The following LYZL1 variants were observed in gnomAD, a reference collection of about 807,000 sequenced individuals.
LYZL1 encodes lysozyme-like protein 1.
LYZL1 carries 16 observed loss-of-function variants against 17.9 expected under a neutral mutation model. That is an observed-to-expected ratio of 0.90 (90% CI 0.61 to 1.36). The LOEUF is 1.36. Among genes scored for constraint, LYZL1 ranks in the 40% most tolerant of loss-of-function variants. The pLI is 0.00. For missense variants in LYZL1, 149 were observed against 188.4 expected (o/e 0.79, Z 1.22); for synonymous variants, 58 against 71.8 (o/e 0.81, Z 0.97).
rs397801860 is a variant in LYZL1, at chr10:29,317,946, T to TAAAA, written c.*139-193_*139-190dup. 5.6e-5 allele frequency among the ~76,000 whole-genome samples: 8 copies of TAAAA among 143,464 alleles called. No individual in the cohort carries two copies. The East Asian group carries it at 6.1e-4, about 11-fold the overall frequency. The allele number at this position is 143,464 out of a possible 152,430, so 94.1% of individuals were successfully genotyped here. ...GAAACAGAGTGAGACCCTGTCTCTT[T>TAAAA]AAAAAAAAAAAAAAAGTGATTACTA... On this transcript the variant is annotated intron_variant and NMD_transcript_variant, in intron 4 of 4. Transcript: ENST00000494304.
At chr10:29,313,992 A>C (rs1035757908), downstream of LYZL1, among the ~76,000 whole-genome samples, 2 of 152,132 alleles carry the variant, frequency 1.3e-5, no homozygotes, top group Non-Finnish European at 2.9e-5. Flanking sequence ...TTGAATCCCA[A>C]CTTGTTCCCT....
intron 3 of LYZL1, among the ~76,000 whole-genome samples, chr10:29,298,747 C>A (rs1307327302): frequency 2.6e-5 from 4 of 152,122 alleles, no homozygotes; most frequent in Non-Finnish European, 4.4e-5. Context: ...TTATAGATTT[C>A]TAGTTACACC....
At chr10:29,302,601 T>G (rs2132826931) in intron 3 of LYZL1, among the ~76,000 whole-genome samples, 1 of 152,332 alleles carries the variant, frequency 6.6e-6, no homozygotes, top group African/African-American at 2.4e-5. Context: ...TGTTTTTTAT[T>G]ATTATAATGA....
In LYZL1 at chr10:29,306,507, G is replaced by A. The variant is rs1168638935; in HGVS notation, c.299-3603G>A. Among the ~76,000 whole-genome samples, 61 of 109,358 alleles carry A rather than the reference G, an allele frequency of 5.6e-4. 1 individual carries two copies. Among genetic ancestry groups the A allele is most frequent in the South Asian group, 2.0e-3 (6 of 2,966 alleles). The allele number at this position is 109,358 out of a possible 152,430, so 71.7% of individuals were successfully genotyped here. On this transcript the variant is annotated intron_variant, in intron 3 of 4. Coordinates refer to ENST00000649382, the MANE Select transcript of LYZL1 (RefSeq NM_032517.6). ...GGAGCTTGCAGTGAGCCGAGATCCC[G>A]CCACTGCACTCCAGCCTGGGCGACA...
At chr10:29,316,893 T>G (rs963433865) in intron 3 of LYZL1, among the ~76,000 whole-genome samples, 7 of 151,994 alleles carry the variant, frequency 4.6e-5, no homozygotes, top group Non-Finnish European at 1.0e-4. Context: ...ACTTTTTAAT[T>G]TTTTTGTAAA....
chr10:29,297,823 T>C (rs1326007680), intron 3 of LYZL1, among the ~76,000 whole-genome samples: 3 of 151,950 alleles, frequency 2.0e-5, no homozygotes, highest in Non-Finnish European at 2.9e-5. Flanking sequence ...AAAAACAGAA[T>C]ATACAACAGG....
chr10:29,310,882 A>G lies in LYZL1; in HGVS notation c.378-108A>G. 6 of 1,561,016 alleles carry G rather than the reference A, an allele frequency of 3.8e-6. No individual in the cohort carries two copies. The Admixed American group carries it at 8.6e-5, about 22-fold the overall frequency. ...GAAGCTCAGAAGCAAATGAAACCCA[A>G]CCCAGGGTTCCGCTGGCGATTTTGG... On this transcript the variant is annotated intron_variant, in intron 4 of 4. Coordinates refer to ENST00000649382, the MANE Select transcript of LYZL1 (RefSeq NM_032517.6).
chr10:29,313,171 A>G (rs188191032), downstream of LYZL1, among the ~76,000 whole-genome samples: 55 of 152,358 alleles, frequency 3.6e-4, no homozygotes, highest in Non-Finnish European at 6.8e-4. Context: ...GGACAATTTA[A>G]CAGGCATTAT....
At chr10:29,294,184 T>A (rs1470433479) in intron 3 of LYZL1, among the ~76,000 whole-genome samples, 1 of 151,802 alleles carries the variant, frequency 6.6e-6, no homozygotes. Context: ...TGTAACAAAG[T>A]GACATGAAGA....
chr10:29,289,240 A>G lies in LYZL1; in HGVS notation c.-26+10A>G, dbSNP rs1157271894. The G allele has an allele frequency of 9.2e-7, 1 of 1,082,196 alleles. No homozygotes were observed. Among genetic ancestry groups the G allele is most frequent in the South Asian group, 1.8e-5 (1 of 55,722 alleles). The allele number at this position is 1,082,196 out of a possible 1,614,324, so 67.0% of individuals were successfully genotyped here. On this transcript the variant is annotated intron_variant, in intron 1 of 4. Coordinates refer to ENST00000649382, the MANE Select transcript of LYZL1 (RefSeq NM_032517.6). ...GGAATCTGCCTTTTCAGTAAGACCT[A>G]AATTACTCTTATGAGAACCAGCAAT...
chr10:29,290,194 T>C (rs991407805), intron 1 of LYZL1, among the ~76,000 whole-genome samples: 1 of 152,180 alleles, frequency 6.6e-6, no homozygotes, highest in African/African-American at 2.4e-5. Flanking sequence ...TGACACGGGA[T>C]GAACATATGT....
In LYZL1 at chr10:29,292,380, C is replaced by G. The variant is rs1751955; in HGVS notation, c.140-139C>G. 13 of 1,324,128 alleles carry G rather than the reference C, an allele frequency of 9.8e-6. No individual in the cohort carries two copies. The African/African-American group carries it at 1.8e-4, about 18-fold the overall frequency. 82.0% of individuals were successfully genotyped at this position (1,324,128 alleles called of 1,614,324 possible). On this transcript the variant is annotated intron_variant, in intron 2 of 4. Transcript: ENST00000649382. ...ATGTGCCCCTCGTGTGCCCCCTGGG[C>G]GCATGCCCGCCCTGCCCTGCCCAAG... is the stretch of plus-strand genomic sequence containing the variant.
chr10:29,291,754 A>T, intron 1 of LYZL1, 89 bp from the exon 2 acceptor site: 1 of 1,416,030 alleles, frequency 7.1e-7, no homozygotes, highest in Non-Finnish European at 9.6e-7. Flanking sequence ...GACAGGCAGC[A>T]TCTAGGCAGG....
chr10:29,290,381 G>A (rs1363715481), intron 1 of LYZL1, among the ~76,000 whole-genome samples: 2 of 152,112 alleles, frequency 1.3e-5, no homozygotes, highest in African/African-American at 2.4e-5. Flanking sequence ...GATTCCGCAG[G>A]GGTCTCTTTA....
rs565747298 is a variant in LYZL1 at position 29,294,097 on chromosome 10, G to A, written c.298+1420G>A. Among the ~76,000 whole-genome samples the A allele has an allele frequency of 1.2e-4, 19 of 152,260 alleles. No individual in the cohort carries two copies. In the South Asian group the frequency reaches 3.9e-3, roughly 32 times the overall value. On this transcript the variant is annotated intron_variant, in intron 3 of 4. Coordinates refer to ENST00000649382, the MANE Select transcript of LYZL1 (RefSeq NM_032517.6). ...ATAGAGAAAAGTTATCCCAGGCCAG[G>A]GGAAGAGCAAAAGCAAAGAGGTGCC...
At chr10:29,316,107 G>A (rs1835726958), downstream of LYZL1, among the ~76,000 whole-genome samples, 2 of 152,318 alleles carry the variant, frequency 1.3e-5, no homozygotes, top group Admixed American at 6.5e-5. Flanking sequence ...GTCATGGCCA[G>A]GGAGAGCTTA....
rs537793255 is a variant in LYZL1, at chr10:29,310,983, T to A, written c.378-7T>A. Reference sequence around the variant, plus strand: ...TTCTGCTGCTCCTGCTTCCCTCTCATCCTCAGGCAAGGCTGGAAGAAACAT... The same window carrying A: ...TTCTGCTGCTCCTGCTTCCCTCTCAACCTCAGGCAAGGCTGGAAGAAACAT... On this transcript the variant is annotated splice_polypyrimidine_tract_variant and splice_region_variant and intron_variant, in intron 4 of 4. Coordinates refer to ENST00000649382, the MANE Select transcript of LYZL1 (RefSeq NM_032517.6). 2 of 1,614,106 alleles carry A rather than the reference T, an allele frequency of 1.2e-6. No homozygotes were observed. The highest frequency in any genetic ancestry group is 1.7e-6 in the Non-Finnish European group (2 of 1,180,014).
intron 3 of LYZL1, among the ~76,000 whole-genome samples, chr10:29,306,549 C>CAAAAAAAAAAAAAAAAAAAAAAA (rs58001118): frequency 4.1e-5 from 2 of 48,804 alleles, no homozygotes; most frequent in African/African-American, 9.4e-5. Flanking sequence ...GACTCCGTCT[C>CAAAAAAAAAAAAAAAAAAAAAAA]AAAAAAAAAA....
intron 3 of LYZL1, among the ~76,000 whole-genome samples, chr10:29,316,359 G>C (rs558714841): frequency 3.3e-5 from 5 of 152,320 alleles, no homozygotes; most frequent in Non-Finnish European, 5.9e-5. Flanking sequence ...TCCAGTAACA[G>C]GAGAAAGAGA....
Sources: gnomAD v4.1 joint callset for allele counts (sites outside exome capture counted in the v4.1 genomes callset) on GRCh38, gnomAD v4.1.1 for gene constraint, MANE v1.5 for transcripts, NCBI Gene and HGNC (gene_info 2026-07-23, HGNC 2026-07-21) for gene names.